Variants in PTPN20 observed in about 807,000 individuals in gnomAD.
The protein encoded by PTPN20 is protein tyrosine phosphatase non-receptor type 20, also known as tyrosine-protein phosphatase non-receptor type 20.
A neutral mutation model predicts 35.0 loss-of-function variants in PTPN20; 9 were observed. The observed-to-expected ratio is 0.26, with a 90% CI of 0.15 to 0.45. PTPN20 has a LOEUF of 0.45. PTPN20 is among the 20% of genes least tolerant of loss of function. The pLI, the probability that PTPN20 is intolerant of heterozygous loss-of-function variation, is 1.00. For synonymous variants in PTPN20, 32 were observed against 100.2 expected (o/e 0.32, Z 4.06); for missense variants, 111 against 312.5 (o/e 0.36, Z 4.86).
intron 7 of PTPN20, among the ~76,000 whole-genome samples, chr10:46,970,881 A>G (rs1291397089): frequency 2.3e-5 from 2 of 86,490 alleles, no homozygotes; most frequent in Middle Eastern, 5.8e-3. Flanking sequence ...CTCACTCTGT[A>G]TTGTAAGTTA....
chr10:46,945,266 C>CT (rs2044381181), intron 4 of PTPN20, among the ~76,000 whole-genome samples: 2 of 151,906 alleles, frequency 1.3e-5, no homozygotes, highest in African/African-American at 4.8e-5. Context: ...TACGGAGGGT[C>CT]TTTTTGTTTT....
At chr10:46,937,398 G>A (rs1343783010) in intron 2 of PTPN20, among the ~76,000 whole-genome samples, 9 of 152,008 alleles carry the variant, frequency 5.9e-5, no homozygotes, top group Non-Finnish European at 1.2e-4. Flanking sequence ...ACCTTCTTTG[G>A]TCTGTTGGTT....
chr10:46,994,160 G>T (rs1273934846), intron 9 of PTPN20, among the ~76,000 whole-genome samples: 1 of 151,774 alleles, frequency 6.6e-6, no homozygotes, highest in Non-Finnish European at 1.5e-5. Flanking sequence ...TCTGTTGAGA[G>T]TCAATTGTCA....
rs1219845468 is a variant in PTPN20, at chr10:47,000,896, CA to C, written c.*157del. The C allele has an allele frequency of 7.7e-6, 7 of 907,234 alleles. No individual in the cohort carries two copies. Among genetic ancestry groups the C allele is most frequent in the Admixed American group, 3.9e-5 (2 of 51,132 alleles). 56.2% of individuals were successfully genotyped at this position (907,234 alleles called of 1,614,324 possible). A position where few individuals can be genotyped will look rare whatever the true frequency, so the allele number is the denominator to read the frequency against. ...TTCTTTCTAAAAGCTCCCTGAAGGG[CA>C]ATATCATTTGGCTTGGGGTGATCAG... On this transcript the variant is annotated 3_prime_UTR_variant, in exon 11 of 11. Coordinates refer to ENST00000374339, the MANE Select transcript of PTPN20 (RefSeq NM_001042357.5).
At chr10:46,997,321 G>A (rs2059290149) in intron 9 of PTPN20, among the ~76,000 whole-genome samples, 2 of 149,970 alleles carry the variant, frequency 1.3e-5, no homozygotes, top group Non-Finnish European at 3.0e-5. Context: ...CTTGTACCCT[G>A]TGATCTTGTT....
chr10:46,953,387 CTTTCTTTCTTTT>C (rs2047391531), intron 5 of PTPN20, among the ~76,000 whole-genome samples: 1 of 123,466 alleles, frequency 8.1e-6, no homozygotes, highest in Admixed American at 7.7e-5. Flanking sequence ...TTCTTTCTTT[CTTTCTTTCTTTT>C]TTTTTGACTT....
chr10:46,994,183 C>A (rs2058571551), intron 9 of PTPN20, among the ~76,000 whole-genome samples: 1 of 151,834 alleles, frequency 6.6e-6, no homozygotes, highest in Non-Finnish European at 1.5e-5. Context: ...TGAATTGGAG[C>A]TCTTTTATAT....
intron 10 of PTPN20, among the ~76,000 whole-genome samples, chr10:47,000,283 A>G (rs2059882924): frequency 6.6e-6 from 1 of 152,194 alleles, no homozygotes; most frequent in Non-Finnish European, 1.5e-5. Flanking sequence ...ATCTAAAGTT[A>G]TTTTTAAAAC....
At chr10:46,953,335 T>TTTTCTTTTCTTTC in intron 5 of PTPN20, among the ~76,000 whole-genome samples, 1 of 113,452 alleles carries the variant, frequency 8.8e-6, no homozygotes, top group Admixed American at 9.1e-5. Context: ...CTTTCATTTC[T>TTTTCTTTTCTTTC]TTTCTTTCTT....
intron 5 of PTPN20, among the ~76,000 whole-genome samples, chr10:46,957,236 C>CT (rs1259854087): frequency 2.0e-5 from 3 of 151,856 alleles, no homozygotes; most frequent in Non-Finnish European, 4.4e-5. Context: ...GCTTTTATTT[C>CT]TTTTTTTTCC....
chr10:46,939,003 C>G (rs1404452618), intron 2 of PTPN20, among the ~76,000 whole-genome samples: 2 of 152,098 alleles, frequency 1.3e-5, no homozygotes, highest in African/African-American at 2.4e-5. Flanking sequence ...AAGTCGCCTT[C>G]TATGAGTTGC....
intron 1 of PTPN20, among the ~76,000 whole-genome samples, chr10:46,926,703 G>A (rs2037531871): frequency 6.6e-6 from 1 of 151,370 alleles, no homozygotes; most frequent in Non-Finnish European, 1.5e-5. Flanking sequence ...GCTAAGATAT[G>A]GTAGACTGAA....
intron 10 of PTPN20, among the ~76,000 whole-genome samples, chr10:47,000,241 C>A (rs1296724940): frequency 6.6e-6 from 1 of 152,114 alleles, no homozygotes; most frequent in African/African-American, 2.4e-5. Context: ...CAAACACATG[C>A]CTTGTCCATA....
Position 46,990,359 on chromosome 10 carries a change from C to T in PTPN20, c.1134+2804C>T, listed in dbSNP as rs564099477. Among the ~76,000 whole-genome samples, 7 of 104,390 alleles carry T rather than the reference C, an allele frequency of 6.7e-5. No individual in the cohort carries two copies. In the South Asian group the frequency reaches 1.4e-3, roughly 22 times the overall value. The allele number at this position is 104,390 out of a possible 152,430, so 68.5% of individuals were successfully genotyped here. A position where few individuals can be genotyped will look rare whatever the true frequency, so the allele number is the denominator to read the frequency against. ...CTGCACTCCAGCCTGGGAGACAGAG[C>T]GAGACTCCATCTCAAAAAAAAAAAA... On this transcript the variant is annotated intron_variant, in intron 9 of 10. Coordinates refer to ENST00000374339, the MANE Select transcript of PTPN20 (RefSeq NM_001042357.5).
chr10:46,968,568 A>T (rs1170214307), intron 7 of PTPN20, among the ~76,000 whole-genome samples: 2 of 152,176 alleles, frequency 1.3e-5, no homozygotes, highest in African/African-American at 4.8e-5. Context: ...TGTCCTCCTC[A>T]CTCAGTTACT....
At chr10:46,945,656 C>G (rs2044520271) in intron 4 of PTPN20, among the ~76,000 whole-genome samples, 1 of 152,076 alleles carries the variant, frequency 6.6e-6, no homozygotes, top group Admixed American at 6.6e-5. Context: ...AGGTTAGATG[C>G]AGAAGTCAAA....
rs1287501320 is a variant in PTPN20 at position 46,946,923 on chromosome 10, A to G, written c.340+248A>G. ...AAAGTATTAAATATGTCAGTTTAGT[A>G]AAATCCATTTTTTTAAAGCTAGGTA... On this transcript the variant is annotated intron_variant, in intron 5 of 10. Coordinates refer to ENST00000374339, the MANE Select transcript of PTPN20 (RefSeq NM_001042357.5). The G allele has an allele frequency of 1.6e-5, 7 of 427,410 alleles. No homozygotes were observed. The East Asian group carries it at 3.5e-4, about 21-fold the overall frequency. 26.5% of individuals were successfully genotyped at this position (427,410 alleles called of 1,614,324 possible). A position where few individuals can be genotyped will look rare whatever the true frequency, so the allele number is the denominator to read the frequency against.
chr10:46,919,343 G>C (rs2034332151), intron 1 of PTPN20, among the ~76,000 whole-genome samples: 1 of 148,574 alleles, frequency 6.7e-6, no homozygotes, highest in Admixed American at 6.6e-5. Context: ...TGCCTTACCT[G>C]TTCTTTAATC....
chr10:46,948,050 C>T, intron 5 of PTPN20: 1 of 414,616 alleles, frequency 2.4e-6, no homozygotes, highest in Non-Finnish European at 4.7e-6. Flanking sequence ...TTGCTTTTTA[C>T]TTTTCTTTTC....
Sources: gnomAD v4.1 joint callset for allele counts (sites outside exome capture counted in the v4.1 genomes callset) on GRCh38, gnomAD v4.1.1 for gene constraint, MANE v1.5 for transcripts, NCBI Gene and HGNC (gene_info 2026-07-23, HGNC 2026-07-21) for gene names.